The following DCP1B variants were observed in gnomAD, a reference collection of about 807,000 sequenced individuals.
DCP1B encodes the protein mRNA-decapping enzyme 1B.
A neutral mutation model predicts 60.5 loss-of-function variants in DCP1B; 47 were observed. The observed-to-expected ratio is 0.78, with a 90% CI of 0.61 to 0.99. DCP1B has a LOEUF of 0.99. Ranked by LOEUF, DCP1B falls within the 50% of genes least tolerant of loss-of-function variation. DCP1B has a pLI of 0.00. For missense variants in DCP1B, 725 were observed against 756.8 expected (o/e 0.96, Z 0.49); for synonymous variants, 267 against 280.3 (o/e 0.95, Z 0.47).
rs762149254 is a variant in DCP1B, at chr12:1,953,084, T to TG, written c.855dup (p.Ile286HisfsTer2). On this transcript the variant is annotated frameshift_variant, in exon 7 of 9. Transcript: ENST00000280665. LOFTEE classifies it high-confidence loss of function. ...ATGGCTGGACAGAGCTGCTTCTCAA[T>TG]GGGGGGTGAGTGTCTTCTGGGTTCC... 34 of 1,614,008 alleles carry TG rather than the reference T, an allele frequency of 2.1e-5. No homozygotes were observed. The Admixed American group carries it at 2.3e-4, about 11-fold the overall frequency.
intron 4 of DCP1B, 95 bp from the exon 5 acceptor site, chr12:1,965,788 C>T (rs1013499231): frequency 1.6e-5 from 22 of 1,364,832 alleles, no homozygotes; most frequent in Non-Finnish European, 2.1e-5. Flanking sequence ...TGTTTTCATC[C>T]TGTTACAACC....
intron 3 of DCP1B, among the ~76,000 whole-genome samples, chr12:1,986,496 A>C (rs183718996): frequency 5.3e-5 from 8 of 152,336 alleles, no homozygotes; most frequent in African/African-American, 1.9e-4. Flanking sequence ...ACAGGGGCAG[A>C]GACAGGGTCT....
At chr12:1,953,345 A>T in intron 6 of DCP1B, 57 bp from the exon 7 acceptor site, 1 of 1,493,764 alleles carries the variant, frequency 6.7e-7, no homozygotes, top group African/African-American at 1.4e-5. Context: ...TATATGAGGA[A>T]GTGCTATGAA....
At chr12:2,003,185 G>T (rs2042586375) in intron 1 of DCP1B, among the ~76,000 whole-genome samples, 2 of 152,106 alleles carry the variant, frequency 1.3e-5, no homozygotes, top group African/African-American at 2.4e-5. Context: ...TTTCAGGTGA[G>T]TTTTTTACTA....
chr12:1,991,416 C>A, intron 3 of DCP1B: 1 of 218,764 alleles, frequency 4.6e-6, no homozygotes, highest in Non-Finnish European at 9.5e-6. Flanking sequence ...GAACGTGAGC[C>A]ACATCTGTTA....
chr12:1,959,106 C>T (rs568604926), intron 5 of DCP1B, among the ~76,000 whole-genome samples: 5 of 151,442 alleles, frequency 3.3e-5, no homozygotes, highest in African/African-American at 9.7e-5. Context: ...AGCTCCCCAA[C>T]GTCGCTCTGG....
At chr12:1,946,322 C>T in intron 8 of DCP1B, 36 bp from the exon 9 acceptor site, 1 of 1,554,206 alleles carries the variant, frequency 6.4e-7, no homozygotes, top group South Asian at 1.2e-5. Flanking sequence ...GAGAATGTTA[C>T]TTGGTTGGCA....
At chr12:1,998,478 A>T (rs1298470967) in intron 1 of DCP1B, among the ~76,000 whole-genome samples, 1 of 152,200 alleles carries the variant, frequency 6.6e-6, no homozygotes, top group African/African-American at 2.4e-5. Context: ...CTAGACAGAG[A>T]GGGCAATGAT....
At chr12:2,001,219 A>G (rs1161784748) in intron 1 of DCP1B, among the ~76,000 whole-genome samples, 3 of 150,280 alleles carry the variant, frequency 2.0e-5, no homozygotes, top group Non-Finnish European at 3.0e-5. Context: ...GGGCAACCAG[A>G]TTTTTTTTTT....
chr12:1,961,125 G>C (rs1435643871), intron 5 of DCP1B, among the ~76,000 whole-genome samples: 1 of 152,222 alleles, frequency 6.6e-6, no homozygotes, highest in Admixed American at 6.5e-5. Flanking sequence ...CTGAAAGCTG[G>C]ATCATATTTT....
chr12:1,953,125 C>T lies in DCP1B; in HGVS notation c.815G>A (p.Arg272His), dbSNP rs201830352. 3.7e-5 allele frequency: 60 copies of T among 1,613,332 alleles called. No homozygotes were observed. Among genetic ancestry groups the T allele is most frequent in the African/African-American group, 8.0e-5 (6 of 74,586 alleles). The change falls in exon 7 of 9, where the codon CGC becomes CAC. Residue 272 changes from arginine to histidine, a missense_variant. Arg to His is a conservative substitution (Grantham distance 29). Transcript: ENST00000280665. ...EKLPIRQGVV[R>H]SLSYEEPRRH... ...TCTGGGTTCCTCATAGGACAGGGAGCGTACAACCCCCTGCCTAATTGGAAG... is the reference window on the plus strand; with the variant it reads ...TCTGGGTTCCTCATAGGACAGGGAGTGTACAACCCCCTGCCTAATTGGAAG...
intron 8 of DCP1B, among the ~76,000 whole-genome samples, chr12:1,946,775 C>T (rs1239047249): frequency 6.6e-6 from 1 of 152,232 alleles, no homozygotes; most frequent in Non-Finnish European, 1.5e-5. Context: ...TCATAGCTCA[C>T]TGCAGCCTCA....
At chr12:1,974,196 C>T (rs529311100) in intron 3 of DCP1B, among the ~76,000 whole-genome samples, 1 of 152,190 alleles carries the variant, frequency 6.6e-6, no homozygotes, top group South Asian at 2.1e-4. Context: ...CTTGTAATTG[C>T]TAATATCAAT....
intron 5 of DCP1B, among the ~76,000 whole-genome samples, chr12:1,964,397 C>T (rs1173912455): frequency 6.6e-6 from 1 of 151,866 alleles, no homozygotes; most frequent in African/African-American, 2.4e-5. Flanking sequence ...TTGTATCTTT[C>T]TATTTGCTTG....
chr12:1,993,433 T>G (rs889914904), intron 2 of DCP1B, 42 bp from the exon 3 acceptor site: 4 of 1,592,276 alleles, frequency 2.5e-6, no homozygotes, highest in Non-Finnish European at 3.4e-6. Flanking sequence ...ATAGACAAAT[T>G]GCTTAGTATG....
chr12:1,970,639 T>TC (rs2031958310), intron 3 of DCP1B: 1 of 154,488 alleles, frequency 6.5e-6, no homozygotes, highest in African/African-American at 2.4e-5. Context: ...CACAAGAGGG[T>TC]CTATCAAAGC....
downstream of DCP1B, among the ~76,000 whole-genome samples, chr12:1,945,835 AG>A (rs534428758): frequency 5.3e-5 from 8 of 152,308 alleles, no homozygotes; most frequent in South Asian, 1.7e-3. Context: ...TTGAACAATG[AG>A]AACACACGGA....
At chr12:1,953,349 C>T (rs1008331918) in intron 6 of DCP1B, 61 bp from the exon 7 acceptor site, 3 of 1,478,424 alleles carry the variant, frequency 2.0e-6, no homozygotes, top group Admixed American at 4.5e-5. Flanking sequence ...TGAGGAAGTG[C>T]TATGAAACAT....
At chr12:1,954,105 C>A (rs1279086273) in intron 6 of DCP1B, among the ~76,000 whole-genome samples, 2 of 151,762 alleles carry the variant, frequency 1.3e-5, no homozygotes. Flanking sequence ...TTGCTTGAGC[C>A]CAGGAGACAC....
Sources: allele counts gnomAD v4.1 joint callset (sites outside exome capture counted in the v4.1 genomes callset), GRCh38; gene constraint gnomAD v4.1.1; transcripts MANE v1.5; gene names NCBI Gene and HGNC (gene_info 2026-07-23, HGNC 2026-07-21).